Variants in ZNF609 observed in about 807,000 individuals in gnomAD.
The protein encoded by ZNF609 is zinc finger protein 609.
In ZNF609, 11 loss-of-function variants were observed where a neutral mutation model predicts 109.5. The ratio of observed to expected loss-of-function variants is 0.10; its 90% CI spans 0.06 to 0.17. The LOEUF (loss-of-function observed/expected upper bound fraction) is 0.17. Among genes scored for constraint, ZNF609 ranks in the 10% least tolerant of loss-of-function variants. The probability of loss-of-function intolerance (pLI) is 1.00; values close to 1 mark genes in which losing one functional copy is unlikely to be tolerated. For missense variants in ZNF609, 1,559 were observed against 1,772.4 expected, an observed-to-expected ratio of 0.88 and a Z score of 2.16; for synonymous variants, 646 against 662.0, an observed-to-expected ratio of 0.98 and a Z score of 0.37.
At chr15:64,556,250 T>A (rs1161681975) in intron 2 of ZNF609, among the ~76,000 whole-genome samples, 1 of 151,824 alleles carries the variant, frequency 6.6e-6, no homozygotes, top group Non-Finnish European at 1.5e-5. Flanking sequence ...CTTGCCTTGG[T>A]CTCCCAAAGT....
intron 2 of ZNF609, among the ~76,000 whole-genome samples, chr15:64,587,266 A>G (rs1895213698): frequency 6.6e-6 from 1 of 152,244 alleles, no homozygotes; most frequent in South Asian, 2.1e-4. Context: ...CAGTGTCGAA[A>G]GAGGTCGAGG....
In ZNF609 at chr15:64,551,842, C is replaced by A. The variant is rs1364034967; in HGVS notation, c.747+51676C>A. On this transcript the variant is annotated intron_variant, in intron 2 of 9. Coordinates refer to ENST00000326648, the MANE Select transcript of ZNF609 (RefSeq NM_015042.2). ...TCTCTACTAAAAATACAAAAATTAG[C>A]CAGGCGTGGTGGCAGGTGCTTGTAT... Among the ~76,000 whole-genome samples the A allele has an allele frequency of 1.3e-5, 2 of 149,060 alleles. 1 individual carries two copies. Among genetic ancestry groups the A allele is most frequent in the Non-Finnish European group, 3.0e-5 (2 of 66,826 alleles).
intron 2 of ZNF609, among the ~76,000 whole-genome samples, chr15:64,591,824 G>T (rs1895304011): frequency 6.6e-6 from 1 of 151,526 alleles, no homozygotes; most frequent in Non-Finnish European, 1.5e-5. Flanking sequence ...TGATTCTCTT[G>T]CCTCAGCCTC....
rs1423679909 is a variant in ZNF609 at position 64,549,912 on chromosome 15, A to G, written c.747+49746A>G. Among the ~76,000 whole-genome samples, 3 of 152,148 alleles carry G rather than the reference A, an allele frequency of 2.0e-5. No homozygotes were observed. The East Asian group carries it at 5.8e-4, about 29-fold the overall frequency. ...GTGATCCTCCTACATTAGTCGCCCA[A>G]GTAGTTGAAACTACAGGTATCTGTC... On this transcript the variant is annotated intron_variant, in intron 2 of 9. Coordinates refer to ENST00000326648, the MANE Select transcript of ZNF609 (RefSeq NM_015042.2).
At chr15:64,559,431 T>A (rs1894643760) in intron 2 of ZNF609, among the ~76,000 whole-genome samples, 1 of 152,192 alleles carries the variant, frequency 6.6e-6, no homozygotes, top group Non-Finnish European at 1.5e-5. Flanking sequence ...CTGGGGTGTG[T>A]AGCAAGGAGA....
chr15:64,648,814 GCA>G (rs1193393556), intron 3 of ZNF609, among the ~76,000 whole-genome samples: 2 of 150,726 alleles, frequency 1.3e-5, no homozygotes, highest in African/African-American at 4.9e-5. Flanking sequence ...CTGGGACTAA[GCA>G]TCCTTTCTGT....
chr15:64,648,934 G>A (rs1339761627), intron 3 of ZNF609, among the ~76,000 whole-genome samples: 1 of 152,012 alleles, frequency 6.6e-6, no homozygotes, highest in African/African-American at 2.4e-5. Context: ...TAAGGTCTAG[G>A]ATGCTTCTAA....
At chr15:64,561,886 T>C (rs1595718978) in intron 2 of ZNF609, among the ~76,000 whole-genome samples, 1 of 152,216 alleles carries the variant, frequency 6.6e-6, no homozygotes, top group African/African-American at 2.4e-5. Flanking sequence ...TCAATTATTT[T>C]TCAAAGCGGG....
At chr15:64,475,776 GT>G (rs1893161042) in intron 1 of ZNF609, among the ~76,000 whole-genome samples, 1 of 152,120 alleles carries the variant, frequency 6.6e-6, no homozygotes, top group Non-Finnish European at 1.5e-5. Flanking sequence ...TGTCTCCTCT[GT>G]TCCGTAAACT....
chr15:64,473,525 C>G (rs1445364954), intron 1 of ZNF609, among the ~76,000 whole-genome samples: 2 of 151,682 alleles, frequency 1.3e-5, no homozygotes, highest in Non-Finnish European at 2.9e-5. Context: ...TTCGTCCTCA[C>G]CACCTCATCT....
intron 2 of ZNF609, among the ~76,000 whole-genome samples, chr15:64,580,555 T>TG (rs1489576159): frequency 1.9e-5 from 1 of 53,624 alleles, no homozygotes; most frequent in African/African-American, 3.8e-5. Context: ...TCTTTTCTTT[T>TG]CTTTTTTTTT....
intron 1 of ZNF609, among the ~76,000 whole-genome samples, chr15:64,484,465 C>G (rs1893302470): frequency 1.3e-5 from 2 of 151,976 alleles, no homozygotes; most frequent in Admixed American, 1.3e-4. Context: ...ATCACGAGGT[C>G]AGGAGTTCCG....
intron 2 of ZNF609, among the ~76,000 whole-genome samples, chr15:64,533,567 C>G (rs1196826724): frequency 6.6e-6 from 1 of 152,156 alleles, no homozygotes; most frequent in African/African-American, 2.4e-5. Flanking sequence ...TTCCACGTTC[C>G]AAAATATTGT....
At chr15:64,460,353 T>G (rs1002465498), upstream of ZNF609, among the ~76,000 whole-genome samples, 1 of 152,198 alleles carries the variant, frequency 6.6e-6, no homozygotes, top group African/African-American at 2.4e-5. Context: ...CAGGTTTCTT[T>G]GAGTTTATCT....
intron 2 of ZNF609, among the ~76,000 whole-genome samples, chr15:64,569,935 GC>G (rs753379368): frequency 2.6e-5 from 4 of 152,108 alleles, no homozygotes; most frequent in Admixed American, 6.6e-5. Flanking sequence ...ATTTTTTTAA[GC>G]TTTAATTTAT....
Position 64,675,617 on chromosome 15 carries a change from C to G in ZNF609, c.2763C>G (p.Ser921Arg), listed in dbSNP as rs1426813627. 2 of 1,613,866 alleles carry G rather than the reference C, an allele frequency of 1.2e-6. No individual in the cohort carries two copies. Residue 921 changes from serine to arginine, a missense_variant, in exon 5 of 10, where the codon AGC becomes AGG. Ser to Arg is a moderately radical substitution (Grantham distance 110, BLOSUM62 -1). Coordinates refer to ENST00000326648, the MANE Select transcript of ZNF609 (RefSeq NM_015042.2). ...CCAGCAGCCAGGCAGGAGTGGAGAG[C>G]CAGGCCCTGAAGACAAAAAGGGATG... is the stretch of plus-strand genomic sequence containing the variant. ...LNPSSQAGVESQALKTKRDEE... is the reference protein window; with the variant it reads ...LNPSSQAGVERQALKTKRDEE...
At chr15:64,507,995 C>T (rs896826189) in intron 2 of ZNF609, among the ~76,000 whole-genome samples, 2 of 152,168 alleles carry the variant, frequency 1.3e-5, no homozygotes, top group Non-Finnish European at 1.5e-5. Context: ...TCCCTAAAGT[C>T]ATTCATCCTA....
chr15:64,480,969 C>A (rs1487768460), intron 1 of ZNF609, among the ~76,000 whole-genome samples: 1 of 152,136 alleles, frequency 6.6e-6, no homozygotes, highest in Non-Finnish European at 1.5e-5. Context: ...AAATAAATAA[C>A]CTGAATTTTA....
rs537507875 is a variant in ZNF609 at position 64,593,252 on chromosome 15, C to T, written c.748-29575C>T. 882 of 1,519,342 alleles carry T rather than the reference C, an allele frequency of 5.8e-4. 1 individual carries two copies. The highest frequency in any genetic ancestry group is 7.6e-4 in the Non-Finnish European group (837 of 1,108,330). 94.1% of individuals were successfully genotyped at this position (1,519,342 alleles called of 1,614,324 possible). On this transcript the variant is annotated intron_variant, in intron 2 of 9. Transcript: ENST00000326648. Reference sequence around the variant, plus strand: ...AGTCAGGAATCGATCTCGTGAAGCCCGCAAGGACCGAACACCCCCACCCCG... The same window carrying T: ...AGTCAGGAATCGATCTCGTGAAGCCTGCAAGGACCGAACACCCCCACCCCG...
Sources: gnomAD v4.1 joint callset for allele counts (sites outside exome capture counted in the v4.1 genomes callset) on GRCh38, gnomAD v4.1.1 for gene constraint, MANE v1.5 for transcripts, NCBI Gene and HGNC (gene_info 2026-07-23, HGNC 2026-07-21) for gene names.